Variants in STIM2 observed in about 807,000 individuals in gnomAD.
The protein encoded by STIM2 is stromal interaction molecule 2.
A neutral mutation model predicts 85.8 loss-of-function variants in STIM2; 31 were observed. The ratio of observed to expected loss-of-function variants is 0.36; its 90% CI spans 0.27 to 0.49. The LOEUF is 0.49. Among genes scored for constraint, STIM2 ranks in the 20% least tolerant of loss-of-function variants. The pLI is 0.98. For missense variants in STIM2, 841 were observed against 927.6 expected, an observed-to-expected ratio of 0.91 and a Z score of 1.21; for synonymous variants, 356 against 331.1, an observed-to-expected ratio of 1.08 and a Z score of -0.82.
Position 26,999,261 on chromosome 4 carries a change from T to C in STIM2, c.539T>C (p.Ile180Thr). The change falls in exon 5 of 12, where the codon ATC (isoleucine) becomes ACC (threonine). Residue 180 changes from isoleucine to threonine, a missense_variant. Physicochemically the swap from Ile to Thr is moderately conservative, Grantham distance 89. This residue lies in a region of STIM2 where 408 missense variants were observed against 525.4 expected (regional missense o/e 0.78). Transcript: ENST00000467087. ...GCAGTGCACGAACCTTCATTTATGA[T>C]CTCCCAGTTGAAAATCAGTGACCGG... 6.2e-7 allele frequency: 1 copy of C among 1,609,234 alleles called. No homozygotes were observed. Among genetic ancestry groups the C allele is most frequent in the Non-Finnish European group, 8.5e-7 (1 of 1,177,632 alleles).
At chr4:27,009,464 C>G (rs141364280) in intron 10 of STIM2, among the ~76,000 whole-genome samples, 2 of 152,028 alleles carry the variant, frequency 1.3e-5, no homozygotes, top group Admixed American at 1.3e-4. Flanking sequence ...TTCAAATGGC[C>G]GCTTAATGTA....
intron 10 of STIM2, among the ~76,000 whole-genome samples, chr4:27,010,179 C>T (rs115388469): frequency 0.036 from 5,518 of 152,190 alleles, 139 homozygotes; most frequent in South Asian, 0.077. Context: ...AGGCCAGGCA[C>T]GGTGGCCTGT....
chr4:26,869,317 AAAAGG>A (rs1722522262), intron 1 of STIM2, among the ~76,000 whole-genome samples: 1 of 151,706 alleles, frequency 6.6e-6, no homozygotes, highest in Non-Finnish European at 1.5e-5. Context: ...AAAAAAAAAA[AAAAGG>A]AAGAAAAAAG....
intron 1 of STIM2, chr4:26,881,620 A>G (rs1210069362): frequency 6.6e-6 from 1 of 152,176 alleles, no homozygotes; most frequent in African/African-American, 2.4e-5. Flanking sequence ...GTAAGCAAAA[A>G]AATTTCTGTT....
rs544787177 is a variant in STIM2 at position 26,871,922 on chromosome 4, T to C, written c.151+10553T>C. Among the ~76,000 whole-genome samples, 3 of 152,320 alleles carry C rather than the reference T, an allele frequency of 2.0e-5. No individual in the cohort carries two copies. In the East Asian group the frequency reaches 5.8e-4, roughly 29 times the overall value. On this transcript the variant is annotated intron_variant, in intron 1 of 11. Transcript: ENST00000467087. ...GATTTCCTGAGTTTGAATCCCAGTCTGACAGTGGTTTTGTAATTTTGGGTA... is the reference window on the plus strand; with the variant it reads ...GATTTCCTGAGTTTGAATCCCAGTCCGACAGTGGTTTTGTAATTTTGGGTA...
intron 2 of STIM2, among the ~76,000 whole-genome samples, chr4:26,923,302 T>A (rs1053555010): frequency 2.0e-5 from 3 of 150,680 alleles, no homozygotes; most frequent in Non-Finnish European, 4.4e-5. Context: ...AACTGGAAAC[T>A]CTAAAACGCA....
intron 8 of STIM2, chr4:27,008,142 T>C (rs938512576): frequency 4.2e-5 from 25 of 594,814 alleles, no homozygotes; most frequent in Non-Finnish European, 7.2e-5. Context: ...TAGCTAATGT[T>C]CTTCTGTTAC....
chr4:27,020,136 C>T (rs1728865083), intron 11 of STIM2, among the ~76,000 whole-genome samples: 1 of 152,314 alleles, frequency 6.6e-6, no homozygotes, highest in Non-Finnish European at 1.5e-5. Flanking sequence ...TGACTTAAAT[C>T]AGTATTCTTT....
rs541591890 is a variant in STIM2, at chr4:26,936,720, T to A, written c.282+17086T>A. ...GAATAACTGACTGTAGTATGAGATC[T>A]GTGTATGAAGAACCAAAAACTTCTG... On this transcript the variant is annotated intron_variant, in intron 2 of 11. Coordinates refer to ENST00000467087, the MANE Select transcript of STIM2 (RefSeq NM_020860.4). Among the ~76,000 whole-genome samples, 4 of 152,352 alleles carry A rather than the reference T, an allele frequency of 2.6e-5. No individual in the cohort carries two copies. In the East Asian group the frequency reaches 7.7e-4, roughly 29 times the overall value.
intron 3 of STIM2, among the ~76,000 whole-genome samples, chr4:26,973,077 G>GGTA (rs1240267176): frequency 2.0e-5 from 3 of 152,016 alleles, no homozygotes; most frequent in Non-Finnish European, 4.4e-5. Flanking sequence ...CTGTGGGATC[G>GGTA]GTAGTGATAT....
At chr4:26,922,374 T>C (rs577184222) in intron 2 of STIM2, among the ~76,000 whole-genome samples, 2 of 152,288 alleles carry the variant, frequency 1.3e-5, no homozygotes, top group Admixed American at 1.3e-4. Context: ...CCATGTCAAC[T>C]CTGAGAGTAT....
chr4:26,867,073 T>C lies in STIM2; in HGVS notation c.151+5704T>C, dbSNP rs547692779. On this transcript the variant is annotated intron_variant, in intron 1 of 11. Transcript: ENST00000467087. Reference sequence around the variant, plus strand: ...ATAAGGATATCAGTTAGGAAACTATTTAGAAGGAGAGGTCTTGAGAATTCT... The same window carrying C: ...ATAAGGATATCAGTTAGGAAACTATCTAGAAGGAGAGGTCTTGAGAATTCT... 7.9e-5 allele frequency among the ~76,000 whole-genome samples: 12 copies of C among 152,272 alleles called. No individual in the cohort carries two copies. The South Asian group carries it at 2.5e-3, about 32-fold the overall frequency.
chr4:26,999,895 A>G (rs891085033), intron 5 of STIM2, among the ~76,000 whole-genome samples: 3 of 152,218 alleles, frequency 2.0e-5, no homozygotes, highest in African/African-American at 7.2e-5. Context: ...AGTGTTATGC[A>G]ATATCTGTAA....
intron 10 of STIM2, among the ~76,000 whole-genome samples, chr4:27,017,270 T>C (rs1343855436): frequency 6.6e-6 from 1 of 152,230 alleles, no homozygotes; most frequent in Non-Finnish European, 1.5e-5. Context: ...TTAAGTGATT[T>C]CCTTGATTTA....
At chr4:27,022,440 T>G (rs1056992355) in intron 11 of STIM2, 79 bp from the exon 12 acceptor site, 1 of 1,157,590 alleles carries the variant, frequency 8.6e-7, no homozygotes, top group African/African-American at 1.5e-5. Context: ...CAATGAAAGT[T>G]GTTTTAGTTA....
intron 3 of STIM2, among the ~76,000 whole-genome samples, chr4:26,958,057 A>C (rs1726317170): frequency 1.3e-5 from 2 of 152,284 alleles, no homozygotes; most frequent in Non-Finnish European, 1.5e-5. Context: ...TGGAAACACA[A>C]AGTTTTCCTT....
intron 1 of STIM2, among the ~76,000 whole-genome samples, chr4:26,866,882 G>A (rs1232448775): frequency 6.6e-6 from 1 of 152,112 alleles, no homozygotes; most frequent in Non-Finnish European, 1.5e-5. Flanking sequence ...AAGGTAAAAG[G>A]CATTTTGAAC....
chr4:26,987,194 A>G (rs1727611751), intron 3 of STIM2, among the ~76,000 whole-genome samples: 1 of 152,036 alleles, frequency 6.6e-6, no homozygotes, highest in Non-Finnish European at 1.5e-5. Flanking sequence ...ACCCCTTACA[A>G]TCTCTTCATT....
intron 2 of STIM2, among the ~76,000 whole-genome samples, chr4:26,923,434 T>A (rs1175863383): frequency 1.3e-5 from 2 of 151,456 alleles, no homozygotes; most frequent in East Asian, 1.9e-4. Flanking sequence ...CTAAGCTTCG[T>A]AAGTGAAGGA....
Sources: gnomAD v4.1 joint callset for allele counts (sites outside exome capture counted in the v4.1 genomes callset) on GRCh38, gnomAD v4.1.1 for gene constraint, gnomAD v4.1.1 regional missense constraint, MANE v1.5 for transcripts, NCBI Gene and HGNC (gene_info 2026-07-23, HGNC 2026-07-21) for gene names.